Variants in CTBP2 observed in about 807,000 individuals in gnomAD.
The protein encoded by CTBP2 is C-terminal binding protein 2, also known as C-terminal-binding protein 2.
In CTBP2, 30 loss-of-function variants were observed where a neutral mutation model predicts 80.3. The ratio of observed to expected loss-of-function variants is 0.37; its 90% CI spans 0.28 to 0.51. The LOEUF is 0.51. Among genes scored for constraint, CTBP2 ranks in the 20% least tolerant of loss-of-function variants. The probability of loss-of-function intolerance (pLI) is 0.93; values close to 1 mark genes in which losing one functional copy is unlikely to be tolerated. For missense variants in CTBP2, 1,212 were observed against 1,375.3 expected (o/e 0.88, Z 1.88); for synonymous variants, 594 against 587.4 (o/e 1.01, Z -0.16).
At chr10:125,061,354 G>A (rs987537448) in intron 2 of CTBP2, among the ~76,000 whole-genome samples, 7 of 152,166 alleles carry the variant, frequency 4.6e-5, no homozygotes, top group Admixed American at 1.3e-4. Flanking sequence ...CATCCGGGGC[G>A]ACACCCACAC....
chr10:125,078,995 A>C (rs1846740465), intron 2 of CTBP2, among the ~76,000 whole-genome samples: 1 of 151,232 alleles, frequency 6.6e-6, no homozygotes, highest in Non-Finnish European at 1.5e-5. Flanking sequence ...AAAAAAAAAA[A>C]AACGAGCCGG....
chr10:125,064,211 G>A (rs922290431), intron 2 of CTBP2, among the ~76,000 whole-genome samples: 1 of 152,166 alleles, frequency 6.6e-6, no homozygotes, highest in Non-Finnish European at 1.5e-5. Context: ...CCTGGGAGCC[G>A]GGACATCCCT....
chr10:125,140,668 TA>T (rs1305266130), intron 1 of CTBP2, among the ~76,000 whole-genome samples: 1 of 147,380 alleles, frequency 6.8e-6, no homozygotes, highest in Non-Finnish European at 1.5e-5. Context: ...ACAAAAAATA[TA>T]AAAATTAGCT....
rs1476596674 is a variant in CTBP2 at position 125,105,338 on chromosome 10, G to C, written c.-102+5652C>G. Among the ~76,000 whole-genome samples the C allele has an allele frequency of 3.3e-5, 5 of 152,222 alleles. 1 individual carries two copies. Among genetic ancestry groups the C allele is most frequent in the Admixed American group, 3.3e-4 (5 of 15,286 alleles). ...TTTTTTAAAAAAATTTTTTTATAGA[G>C]ATGGGGTCTTGCTATGTTGCCCAGG... On this transcript the variant is annotated intron_variant, in intron 2 of 10. Coordinates refer to the CTBP2 transcript ENST00000337195.
chr10:125,021,170 G>A (rs566736498), intron 1 of CTBP2, among the ~76,000 whole-genome samples: 1 of 152,276 alleles, frequency 6.6e-6, no homozygotes, highest in Non-Finnish European at 1.5e-5. Flanking sequence ...AAGAGGCCAA[G>A]GGTCAACCAC....
intron 1 of CTBP2, among the ~76,000 whole-genome samples, chr10:125,135,040 C>T (rs948967017): frequency 1.2e-4 from 19 of 152,318 alleles, no homozygotes; most frequent in African/African-American, 4.6e-4. Context: ...GGCAAGGCTA[C>T]ATTGTGCATG....
chr10:125,039,048 G>A, exon 3 of CTBP2: 2 of 1,612,462 alleles, frequency 1.2e-6, no homozygotes, highest in Non-Finnish European at 1.7e-6. Flanking sequence ...TTATCCACAA[G>A]GGCCATTCTT....
Position 124,989,599 on chromosome 10 carries a change from T to C in CTBP2, c.2877A>G (p.Thr959=). The change falls in exon 9 of 9, where the codon ACA becomes ACG. Residue 959 remains threonine, a synonymous_variant. Transcript: ENST00000309035. ...AGGGCGCTTGGGAAGGATGTGCCAC[T>C]GTCGGGAGGTTGTGAGTCACTGGGA... 6.2e-7 allele frequency: 1 copy of C among 1,613,472 alleles called. No homozygotes were observed. Among genetic ancestry groups the C allele is most frequent in the Non-Finnish European group, 8.5e-7 (1 of 1,179,758 alleles).
intron 1 of CTBP2, among the ~76,000 whole-genome samples, chr10:125,011,553 A>G (rs1955906873): frequency 6.6e-6 from 1 of 152,196 alleles, no homozygotes; most frequent in Non-Finnish European, 1.5e-5. Context: ...CCAGGGTTGG[A>G]AAGAGATGTC....
rs1311518108 is a variant in CTBP2 at position 125,027,291 on chromosome 10, C to T, written c.469G>A (p.Ala157Thr). ...TACAGGTGACCGGCGTCCTGCAGGG[C>T]AGGTGACCGGCCTTGCATTGGATCC... Residue 157 changes from alanine to threonine, a missense_variant, in exon 1 of 9, where the codon GCC becomes ACC. Around this residue, in one of 3 missense-constraint regions of CTBP2, gnomAD observed 848 missense variants for 782.3 expected, o/e 1.08. Transcript: ENST00000309035. The T allele has an allele frequency of 1.9e-6, 3 of 1,613,632 alleles. No individual in the cohort carries two copies. Among genetic ancestry groups the T allele is most frequent in the Non-Finnish European group, 2.5e-6 (3 of 1,180,000 alleles).
Position 125,026,391 on chromosome 10 carries a change from G to A in CTBP2, c.1369C>T (p.Leu457=), listed in dbSNP as rs1159478385. ...TTAGTCAAGGCCACCCCTGCCTGCA[G>A]GGGGTACGTGGGGCTCAGACGCGCT... is the stretch of plus-strand genomic sequence containing the variant. Residue 457 remains leucine, a synonymous_variant, in exon 1 of 9, where the codon CTG becomes TTG. Coordinates refer to ENST00000309035, the MANE Select transcript of CTBP2 (RefSeq NM_022802.3). The A allele has an allele frequency of 6.2e-7, 1 of 1,610,660 alleles. No homozygotes were observed. Among genetic ancestry groups the A allele is most frequent in the Non-Finnish European group, 8.5e-7 (1 of 1,177,494 alleles).
At chr10:125,053,133 T>C (rs1002502418) in intron 2 of CTBP2, among the ~76,000 whole-genome samples, 2 of 152,086 alleles carry the variant, frequency 1.3e-5, no homozygotes, top group African/African-American at 2.4e-5. Context: ...TCCAGGATAA[T>C]TCAAGCATGA....
rs1952167950 is a variant in CTBP2 at position 124,988,578 on chromosome 10, G to C, written c.*940C>G. The C allele has an allele frequency of 6.6e-6, 1 of 152,628 alleles. No individual in the cohort carries two copies. The allele number at this position is 152,628 out of a possible 1,614,324, so 9.5% of individuals were successfully genotyped here. Reference sequence around the variant, plus strand: ...AATGATTCACAAAAGACTATGAATAGAACATGTAACTAGTTGATACAAATC... The same window carrying C: ...AATGATTCACAAAAGACTATGAATACAACATGTAACTAGTTGATACAAATC... On this transcript the variant is annotated 3_prime_UTR_variant, in exon 9 of 9. Transcript: ENST00000309035.
chr10:125,078,695 G>A (rs1009894345), intron 2 of CTBP2, among the ~76,000 whole-genome samples: 3 of 152,116 alleles, frequency 2.0e-5, no homozygotes, highest in African/African-American at 7.2e-5. Context: ...TGTAGAGATG[G>A]CCAAAGCCAG....
At chr10:125,049,046 G>GACAC (rs1178000125) in intron 2 of CTBP2, among the ~76,000 whole-genome samples, 13,791 of 89,016 alleles carry the variant, frequency 0.15, 1,015 homozygotes, top group Non-Finnish European at 0.17. Context: ...CCTGACCACA[G>GACAC]ACACACACAC....
chr10:125,075,655 T>C (rs957930098), intron 2 of CTBP2, among the ~76,000 whole-genome samples: 5 of 152,172 alleles, frequency 3.3e-5, no homozygotes, highest in Non-Finnish European at 7.3e-5. Flanking sequence ...GCAAAAGACT[T>C]GACAGGAACT....
At chr10:125,068,357 T>C (rs993931996) in intron 2 of CTBP2, among the ~76,000 whole-genome samples, 1 of 152,248 alleles carries the variant, frequency 6.6e-6, no homozygotes, top group Non-Finnish European at 1.5e-5. Context: ...GGGAGTTATA[T>C]AAACCAAAAG....
At chr10:125,035,155 C>A (rs1040450347) in intron 3 of CTBP2, among the ~76,000 whole-genome samples, 1 of 152,198 alleles carries the variant, frequency 6.6e-6, no homozygotes, top group Non-Finnish European at 1.5e-5. Context: ...ACTTCTCATC[C>A]TCCTGCGACA....
intron 1 of CTBP2, chr10:125,005,445 TC>T: frequency 4.2e-6 from 5 of 1,180,278 alleles, no homozygotes; most frequent in Non-Finnish European, 5.9e-6. Context: ...AAACAGGGTG[TC>T]CGCATGGATC....
Sources: gnomAD v4.1 joint callset for allele counts (sites outside exome capture counted in the v4.1 genomes callset) on GRCh38, gnomAD v4.1.1 for gene constraint, gnomAD v4.1.1 regional missense constraint, MANE v1.5 for transcripts, NCBI Gene and HGNC (gene_info 2026-07-23, HGNC 2026-07-21) for gene names.